Variants in LMX1B observed in about 807,000 individuals in gnomAD.
LMX1B encodes the protein LIM homeobox transcription factor 1-beta.
A neutral mutation model predicts 51.4 loss-of-function variants in LMX1B; 12 were observed. The observed-to-expected ratio is 0.23, with a 90% CI of 0.15 to 0.38. The LOEUF (loss-of-function observed/expected upper bound fraction) is 0.38, where lower values mean the gene tolerates loss of function less well. Ranked by LOEUF, LMX1B falls within the 10% of genes least tolerant of loss-of-function variation. The pLI is 1.00. For missense variants in LMX1B, 445 were observed against 571.1 expected (o/e 0.78, Z 2.25); for synonymous variants, 237 against 235.4 (o/e 1.01, Z -0.06).
intron 2 of LMX1B, among the ~76,000 whole-genome samples, chr9:126,621,655 C>CTTTTTTT (rs71377950): frequency 1.0e-4 from 12 of 116,898 alleles, no homozygotes; most frequent in African/African-American, 4.4e-4. Context: ...TCTCTCTCTT[C>CTTTTTTT]TTTTTTTTTT....
intron 2 of LMX1B, among the ~76,000 whole-genome samples, chr9:126,678,266 T>A (rs1836604575): frequency 6.8e-6 from 1 of 146,948 alleles, no homozygotes; most frequent in Non-Finnish European, 1.5e-5. Flanking sequence ...GCCAAGATCA[T>A]GCCATTGCAC....
intron 2 of LMX1B, among the ~76,000 whole-genome samples, chr9:126,686,427 A>G (rs1448328672): frequency 2.6e-5 from 4 of 152,224 alleles, no homozygotes; most frequent in Admixed American, 2.0e-4. Context: ...CTCAGAGGAT[A>G]TGGAGATATC....
intron 2 of LMX1B, among the ~76,000 whole-genome samples, chr9:126,681,041 C>T (rs114355050): frequency 0.016 from 2,457 of 152,240 alleles, 82 homozygotes; most frequent in African/African-American, 0.057. Context: ...GGTCTGGTCC[C>T]CACAGAAGCC....
At chr9:126,693,877 A>G (rs772924488) in intron 6 of LMX1B, 65 bp downstream of exon 6, 2 of 781,758 alleles carry the variant, frequency 2.6e-6, no homozygotes, top group East Asian at 2.7e-5. Context: ...GGGTGGGCCT[A>G]GGCCAGGGTG....
intron 2 of LMX1B, among the ~76,000 whole-genome samples, chr9:126,662,833 G>GA (rs1693132393): frequency 1.3e-5 from 2 of 152,224 alleles, no homozygotes; most frequent in African/African-American, 4.8e-5. Flanking sequence ...TCCAGGTGGG[G>GA]CTGTGCCACC....
chr9:126,634,610 C>G (rs188900823), intron 2 of LMX1B, among the ~76,000 whole-genome samples: 6 of 152,050 alleles, frequency 3.9e-5, no homozygotes, highest in African/African-American at 1.4e-4. Flanking sequence ...ACACCCCCCC[C>G]ACAATGCCAC....
At chr9:126,624,492 G>A (rs1419850843) in intron 2 of LMX1B, among the ~76,000 whole-genome samples, 1 of 152,166 alleles carries the variant, frequency 6.6e-6, no homozygotes, top group African/African-American at 2.4e-5. Context: ...GGGGTTGCGG[G>A]GGAGAATCTA....
intron 2 of LMX1B, among the ~76,000 whole-genome samples, chr9:126,676,245 C>CGTCA (rs1255826574): frequency 6.6e-6 from 1 of 152,226 alleles, no homozygotes; most frequent in South Asian, 2.1e-4. Flanking sequence ...CTGGCCTCTC[C>CGTCA]GTCACCTCCC....
chr9:126,631,392 G>T (rs1376375842), intron 2 of LMX1B, among the ~76,000 whole-genome samples: 2 of 152,240 alleles, frequency 1.3e-5, no homozygotes, highest in African/African-American at 4.8e-5. Flanking sequence ...GCTCGTGGCA[G>T]GAGGTCAGGA....
intron 2 of LMX1B, among the ~76,000 whole-genome samples, chr9:126,631,103 C>G (rs1835625587): frequency 6.6e-6 from 1 of 152,228 alleles, no homozygotes. Context: ...TGTGGGATGT[C>G]AGCCTGATAA....
chr9:126,678,459 C>G (rs1588297835), intron 2 of LMX1B, among the ~76,000 whole-genome samples: 1 of 152,174 alleles, frequency 6.6e-6, no homozygotes, highest in Non-Finnish European at 1.5e-5. Context: ...CCAGCTGAAG[C>G]TGGGCATTTG....
rs180952553 is a variant in LMX1B at position 126,641,493 on chromosome 9, C to G, written c.326+25924C>G. Among the ~76,000 whole-genome samples the G allele has an allele frequency of 9.1e-3, 1,391 of 152,274 alleles. 29 individuals are homozygous for G. The highest frequency in any genetic ancestry group is 0.011 in the Non-Finnish European group (761 of 68,020). The stretch of plus-strand genomic sequence containing the variant: ...CCATGTCTGCATATCTTCATGGGCC[C>G]TGCACTTAGCCATGGTGCCTGATAG... On this transcript the variant is annotated intron_variant, in intron 2 of 7. Coordinates refer to ENST00000373474, the MANE Select transcript of LMX1B (RefSeq NM_001174147.2). The surrounding 1 kb of genome is among the most constrained non-coding windows in gnomAD (Gnocchi z 4.1).
At chr9:126,669,978 C>T (rs1191507823) in intron 2 of LMX1B, among the ~76,000 whole-genome samples, 8 of 152,134 alleles carry the variant, frequency 5.3e-5, no homozygotes, top group Admixed American at 5.2e-4. Context: ...GGGCAGGGCT[C>T]CTGGGTGGAG....
At chr9:126,668,620 A>AT (rs1836390335) in intron 2 of LMX1B, among the ~76,000 whole-genome samples, 1 of 151,840 alleles carries the variant, frequency 6.6e-6, no homozygotes, top group South Asian at 2.1e-4. Context: ...CACCCAGCTA[A>AT]TTTTTGTATT....
chr9:126,651,367 C>T (rs1836002919), intron 2 of LMX1B, among the ~76,000 whole-genome samples: 1 of 151,874 alleles, frequency 6.6e-6, no homozygotes, highest in Non-Finnish European at 1.5e-5. Flanking sequence ...CCGAGGGCTG[C>T]CATCCTCCTC....
Position 126,671,954 on chromosome 9 carries a change from T to G in LMX1B, c.327-18882T>G, listed in dbSNP as rs1056868591. Among the ~76,000 whole-genome samples the G allele has an allele frequency of 1.3e-5, 2 of 152,184 alleles. No homozygotes were observed. Among genetic ancestry groups the G allele is most frequent in the African/African-American group, 4.8e-5 (2 of 41,444 alleles). ...CTGGGGCTTCCAAGTAAATTCATCTTCCTTATTAAAAACCAGCCTTGATGC... is the reference window on the plus strand; with the variant it reads ...CTGGGGCTTCCAAGTAAATTCATCTGCCTTATTAAAAACCAGCCTTGATGC... On this transcript the variant is annotated intron_variant, in intron 2 of 7. Transcript: ENST00000373474. The surrounding 1 kb of genome is among the most constrained non-coding windows in gnomAD (Gnocchi z 4.4).
At chr9:126,681,331 A>C (rs1836666332) in intron 2 of LMX1B, among the ~76,000 whole-genome samples, 1 of 152,096 alleles carries the variant, frequency 6.6e-6, no homozygotes, top group South Asian at 2.1e-4. Context: ...TAACACATCC[A>C]GGGCTGCACT....
At chr9:126,689,616 C>T (rs990678866) in intron 2 of LMX1B, among the ~76,000 whole-genome samples, 1 of 152,206 alleles carries the variant, frequency 6.6e-6, no homozygotes, top group African/African-American at 2.4e-5. Flanking sequence ...TCGGGAGGAG[C>T]GGTCAGCAGA....
At chr9:126,617,933 T>C (rs968843500) in intron 2 of LMX1B, among the ~76,000 whole-genome samples, 1 of 145,218 alleles carries the variant, frequency 6.9e-6, no homozygotes, top group Non-Finnish European at 1.5e-5. Context: ...GGTGGGGTGA[T>C]TGTTATCAGG....
Sources: gnomAD v4.1 joint callset for allele counts (sites outside exome capture counted in the v4.1 genomes callset) on GRCh38, gnomAD v4.1.1 for gene constraint, Gnocchi (gnomAD v3.1) non-coding constraint, MANE v1.5 for transcripts, NCBI Gene and HGNC (gene_info 2026-07-23, HGNC 2026-07-21) for gene names.